Variants in PDE4D observed in about 807,000 individuals in gnomAD.
PDE4D encodes the protein 3',5'-cyclic-AMP phosphodiesterase 4D.
Under a neutral mutation model 87.4 loss-of-function variants are expected in PDE4D, and 24 were observed. The ratio of observed to expected loss-of-function variants is 0.27; its 90% CI spans 0.20 to 0.39. The LOEUF (loss-of-function observed/expected upper bound fraction) is 0.39. Ranked by LOEUF, PDE4D falls within the 10% of genes least tolerant of loss-of-function variation. PDE4D has a pLI of 1.00. For synonymous variants in PDE4D, 384 were observed against 383.2 expected, an observed-to-expected ratio of 1.00 and a Z score of -0.02; for missense variants, 714 against 1,041.0, an observed-to-expected ratio of 0.69 and a Z score of 4.32.
chr5:59,712,277 C>T (rs1192232402), intron 1 of PDE4D, among the ~76,000 whole-genome samples: 1 of 151,198 alleles, frequency 6.6e-6, no homozygotes, highest in African/African-American at 2.4e-5. Context: ...ATTTTTCTAA[C>T]CTTATGGTCT....
intron 1 of PDE4D, among the ~76,000 whole-genome samples, chr5:59,477,528 T>C (rs1396316258): frequency 3.3e-5 from 5 of 152,020 alleles, no homozygotes; most frequent in East Asian, 1.9e-4. Flanking sequence ...ATTTAGGCTA[T>C]TATTAAAAAG....
chr5:59,183,607 ACTTCATTT>A (rs1742200411), intron 4 of PDE4D, among the ~76,000 whole-genome samples: 1 of 152,146 alleles, frequency 6.6e-6, no homozygotes. Flanking sequence ...CAACCAGTTA[ACTTCATTT>A]CTTCTGCAGA....
intron 1 of PDE4D, among the ~76,000 whole-genome samples, chr5:59,802,186 G>A (rs1227019804): frequency 6.6e-6 from 1 of 152,018 alleles, no homozygotes; most frequent in African/African-American, 2.4e-5. Context: ...TCAATTAGAA[G>A]AGAACCTCTG....
intron 1 of PDE4D, among the ~76,000 whole-genome samples, chr5:60,350,937 A>G (rs562683904): frequency 6.6e-6 from 1 of 152,280 alleles, no homozygotes; most frequent in East Asian, 1.9e-4. Flanking sequence ...GCCAAGGTTC[A>G]GAGGCTGTGT....
At chr5:59,154,291 A>G (rs190417654) in intron 5 of PDE4D, among the ~76,000 whole-genome samples, 2 of 152,348 alleles carry the variant, frequency 1.3e-5, no homozygotes, top group East Asian at 3.9e-4. Context: ...ATAGTAAGAA[A>G]TACATTTTCA....
At chr5:59,941,910 C>A (rs1757226115) in intron 3 of PDE4D, among the ~76,000 whole-genome samples, 2 of 152,206 alleles carry the variant, frequency 1.3e-5, no homozygotes, top group Non-Finnish European at 2.9e-5. Flanking sequence ...CCCTACCTCT[C>A]TACTGTATTC....
At chr5:60,306,205 A>C (rs1463592150) in intron 1 of PDE4D, among the ~76,000 whole-genome samples, 1 of 152,150 alleles carries the variant, frequency 6.6e-6, no homozygotes, top group African/African-American at 2.4e-5. Context: ...GTAAACCTTA[A>C]CATAAAACAT....
At chr5:59,372,122 C>A (rs1359372202) in intron 1 of PDE4D, among the ~76,000 whole-genome samples, 3 of 152,164 alleles carry the variant, frequency 2.0e-5, no homozygotes, top group African/African-American at 7.2e-5. Context: ...GGACTCAAGG[C>A]TTCTCTATTT....
intron 1 of PDE4D, among the ~76,000 whole-genome samples, chr5:59,431,366 A>T (rs1022051982): frequency 3.9e-5 from 6 of 152,106 alleles, no homozygotes; most frequent in Non-Finnish European, 8.8e-5. Context: ...CAAAACCACA[A>T]GTGTTCAGGG....
chr5:60,464,397 A>G (rs1680341751), intron 1 of PDE4D, among the ~76,000 whole-genome samples: 1 of 152,200 alleles, frequency 6.6e-6, no homozygotes, highest in East Asian at 1.9e-4. Flanking sequence ...TCCCTCCTTA[A>G]CAGTAGAGAA....
chr5:59,227,307 A>G (rs1167221283), intron 1 of PDE4D, among the ~76,000 whole-genome samples: 1 of 152,196 alleles, frequency 6.6e-6, no homozygotes, highest in African/African-American at 2.4e-5. Flanking sequence ...CCAAATAAAT[A>G]CCACTTTGAA....
chr5:60,224,521 A>G (rs890385526), intron 1 of PDE4D, among the ~76,000 whole-genome samples: 1 of 152,062 alleles, frequency 6.6e-6, no homozygotes, highest in African/African-American at 2.4e-5. Flanking sequence ...TTCACATGCC[A>G]GTCATCTTGG....
At chr5:59,951,827 A>C (rs1352779704) in intron 3 of PDE4D, among the ~76,000 whole-genome samples, 2 of 152,194 alleles carry the variant, frequency 1.3e-5, no homozygotes, top group African/African-American at 2.4e-5. Context: ...TTATAAAAAT[A>C]TAGAGAAACA....
intron 1 of PDE4D, among the ~76,000 whole-genome samples, chr5:59,565,910 AGAG>A (rs1173534170): frequency 1.3e-5 from 2 of 152,182 alleles, no homozygotes; most frequent in African/African-American, 4.8e-5. Context: ...CATAGTGAAG[AGAG>A]GAGGAGAGGG....
chr5:60,368,700 C>T (rs574613292), intron 1 of PDE4D, among the ~76,000 whole-genome samples: 11 of 152,178 alleles, frequency 7.2e-5, no homozygotes, highest in South Asian at 2.1e-4. Flanking sequence ...ATCATGGGGG[C>T]GGGATGTCCC....
chr5:60,371,400 C>A (rs1761016472), intron 1 of PDE4D, among the ~76,000 whole-genome samples: 1 of 152,204 alleles, frequency 6.6e-6, no homozygotes, highest in Non-Finnish European at 1.5e-5. Context: ...CCCCAGCTCC[C>A]TTTACCCAAT....
At chr5:59,195,269 CA>C (rs34275268) in intron 2 of PDE4D, among the ~76,000 whole-genome samples, 571 of 147,390 alleles carry the variant, frequency 3.9e-3, no homozygotes, top group African/African-American at 0.013. Flanking sequence ...CCTTGACTCT[CA>C]AAAAAAAAAG....
intron 1 of PDE4D, among the ~76,000 whole-genome samples, chr5:59,486,848 C>A (rs115072069): frequency 2.0e-5 from 3 of 152,108 alleles, no homozygotes; most frequent in Non-Finnish European, 4.4e-5. Context: ...TTTTATTAAG[C>A]ATTTATTGTA....
chr5:59,302,860 T>G (rs1292049981), intron 1 of PDE4D, among the ~76,000 whole-genome samples: 1 of 152,228 alleles, frequency 6.6e-6, no homozygotes, highest in Non-Finnish European at 1.5e-5. Flanking sequence ...TACAAGTGTC[T>G]TTTTCAAATA....
Sources: allele counts gnomAD v4.1 joint callset (sites outside exome capture counted in the v4.1 genomes callset), GRCh38; gene constraint gnomAD v4.1.1; transcripts MANE v1.5; gene names NCBI Gene and HGNC (gene_info 2026-07-23, HGNC 2026-07-21).